Variants in FBXL7 observed in about 807,000 individuals in gnomAD.
The protein encoded by FBXL7 is F-box/LRR-repeat protein 7.
FBXL7 carries 12 observed loss-of-function variants against 38.3 expected under a neutral mutation model. That is an observed-to-expected ratio of 0.31 (90% CI 0.20 to 0.51). The LOEUF (loss-of-function observed/expected upper bound fraction) is 0.51. FBXL7 is among the 20% of genes least tolerant of loss of function. FBXL7 has a pLI of 0.98. For synonymous variants in FBXL7, 297 were observed against 300.9 expected, an observed-to-expected ratio of 0.99 and a Z score of 0.13; for missense variants, 567 against 676.4, an observed-to-expected ratio of 0.84 and a Z score of 1.79.
intron 2 of FBXL7, among the ~76,000 whole-genome samples, chr5:15,731,473 T>G (rs1385958850): frequency 6.6e-6 from 1 of 152,102 alleles, no homozygotes; most frequent in Non-Finnish European, 1.5e-5. Context: ...CATCTCCCAC[T>G]GGGGACCTCC....
intron 2 of FBXL7, among the ~76,000 whole-genome samples, chr5:15,877,590 T>C (rs1740262995): frequency 6.6e-6 from 1 of 152,130 alleles, no homozygotes. Flanking sequence ...TAATGTAAAA[T>C]GATTATGTGG....
chr5:15,510,008 C>A (rs935973694), intron 1 of FBXL7, among the ~76,000 whole-genome samples: 1 of 152,218 alleles, frequency 6.6e-6, no homozygotes, highest in African/African-American at 2.4e-5. Flanking sequence ...TCAGCATTTT[C>A]CCCGTTCCGT....
chr5:15,778,147 T>G (rs2126718019), intron 2 of FBXL7, among the ~76,000 whole-genome samples: 1 of 152,222 alleles, frequency 6.6e-6, no homozygotes, highest in African/African-American at 2.4e-5. Flanking sequence ...CGTGGGTATC[T>G]AAGATGCTCA....
At chr5:15,773,484 A>AT (rs936619616) in intron 2 of FBXL7, among the ~76,000 whole-genome samples, 42 of 148,528 alleles carry the variant, frequency 2.8e-4, no homozygotes, top group African/African-American at 8.1e-4. Flanking sequence ...TCTCTACTAA[A>AT]TTTTTTTTTT....
intron 2 of FBXL7, among the ~76,000 whole-genome samples, chr5:15,645,482 CCCAA>C (rs1177675303): frequency 6.6e-6 from 1 of 152,146 alleles, no homozygotes; most frequent in African/African-American, 2.4e-5. Flanking sequence ...CCTTTCCAAA[CCCAA>C]CCAACAAATG....
chr5:15,678,189 A>G (rs1374597236), intron 2 of FBXL7, among the ~76,000 whole-genome samples: 1 of 152,100 alleles, frequency 6.6e-6, no homozygotes, highest in Non-Finnish European at 1.5e-5. Context: ...TGTATGTGAA[A>G]CCTCCAAAGC....
intron 2 of FBXL7, among the ~76,000 whole-genome samples, chr5:15,858,449 T>G (rs1739337527): frequency 6.6e-6 from 1 of 152,152 alleles, no homozygotes; most frequent in Non-Finnish European, 1.5e-5. Context: ...AGCCAGTAGT[T>G]TTGAAGCTTA....
chr5:15,602,431 A>C (rs762046894), intron 1 of FBXL7: 2 of 152,074 alleles, frequency 1.3e-5, no homozygotes, highest in Non-Finnish European at 2.9e-5. Flanking sequence ...ATAAATTTCT[A>C]GTTTATTCAT....
At position 15,936,565 on chromosome 5, in the gene FBXL7, G is replaced by T. The variant is rs748119437; in HGVS notation, c.855G>T (p.Leu285=). 2 of 1,612,950 alleles carry T rather than the reference G, an allele frequency of 1.2e-6. No individual in the cohort carries two copies. The highest frequency in any genetic ancestry group is 2.2e-5 in the South Asian group (2 of 91,088). Residue 285 remains leucine (L), a synonymous_variant, in exon 4 of 4, where the codon CTG becomes CTT. Coordinates refer to ENST00000504595, the MANE Select transcript of FBXL7 (RefSeq NM_012304.5). This position sits in a 1 kb window ranked among gnomAD's most constrained non-coding sequence, Gnocchi z 6.0. ...TGGACATGACGGACTGCTTCGTGCTGGAGGACGAAGGCCTGCACACCATCG... is the reference window on the plus strand; with the variant it reads ...TGGACATGACGGACTGCTTCGTGCTTGAGGACGAAGGCCTGCACACCATCG... ...RYLDMTDCFV[L]EDEGLHTIAA...
intron 1 of FBXL7, among the ~76,000 whole-genome samples, chr5:15,564,804 C>T (rs1561029604): frequency 6.6e-6 from 1 of 151,938 alleles, no homozygotes; most frequent in Admixed American, 6.6e-5. Context: ...GCACAATATG[C>T]CTGAAATACA....
At chr5:15,926,339 T>A (rs898373315) in intron 2 of FBXL7, among the ~76,000 whole-genome samples, 7 of 148,176 alleles carry the variant, frequency 4.7e-5, no homozygotes, top group Admixed American at 1.4e-4. Context: ...ATGTATATTA[T>A]TAAATATATT....
intron 2 of FBXL7, among the ~76,000 whole-genome samples, chr5:15,751,536 G>T (rs2937074): frequency 6.6e-4 from 100 of 152,010 alleles, no homozygotes; most frequent in Middle Eastern, 3.4e-3. Flanking sequence ...ATATCTTCTC[G>T]CTGAGTTTTG....
At chr5:15,604,546 G>C (rs528157610) in intron 1 of FBXL7, among the ~76,000 whole-genome samples, 6 of 152,172 alleles carry the variant, frequency 3.9e-5, no homozygotes, top group African/African-American at 1.4e-4. Flanking sequence ...GTACAGACAG[G>C]GTTTCGCCAT....
At chr5:15,897,072 G>A (rs946497497) in intron 2 of FBXL7, among the ~76,000 whole-genome samples, 3 of 152,222 alleles carry the variant, frequency 2.0e-5, no homozygotes, top group Non-Finnish European at 4.4e-5. Flanking sequence ...AGCAGAGGTT[G>A]CAGTGAACTG....
chr5:15,642,346 A>G (rs920065046), intron 2 of FBXL7, among the ~76,000 whole-genome samples: 2 of 152,164 alleles, frequency 1.3e-5, no homozygotes, highest in African/African-American at 2.4e-5. Context: ...CTCCAAGGGT[A>G]CCCCACACAC....
rs985583827 is a variant in FBXL7, at chr5:15,514,914, G to A, written c.37+14201G>A. On this transcript the variant is annotated intron_variant, in intron 1 of 3. Coordinates refer to ENST00000504595, the MANE Select transcript of FBXL7 (RefSeq NM_012304.5). ...TGAAGGGTCATTTTGGGTCCAGAGC[G>A]CCCCATGGAGTTTGCAGAGTCCCAT... is the stretch of plus-strand genomic sequence containing the variant. Among the ~76,000 whole-genome samples, 5 of 152,254 alleles carry A rather than the reference G, an allele frequency of 3.3e-5. No homozygotes were observed. In the East Asian group the frequency reaches 5.8e-4, roughly 18 times the overall value.
intron 2 of FBXL7, among the ~76,000 whole-genome samples, chr5:15,700,952 T>C (rs1743501956): frequency 6.6e-6 from 1 of 152,118 alleles, no homozygotes; most frequent in Non-Finnish European, 1.5e-5. Context: ...ATATTTTGCC[T>C]CAAATTATTA....
intron 2 of FBXL7, among the ~76,000 whole-genome samples, chr5:15,685,476 C>T (rs561729089): frequency 1.3e-5 from 2 of 152,224 alleles, no homozygotes; most frequent in East Asian, 3.9e-4. Context: ...CATGGGGAGA[C>T]TATTTCAGGT....
intron 2 of FBXL7, among the ~76,000 whole-genome samples, chr5:15,757,960 C>A (rs1052890997): frequency 6.6e-6 from 1 of 152,050 alleles, no homozygotes; most frequent in Non-Finnish European, 1.5e-5. Flanking sequence ...CCTTCTCTTC[C>A]TCTGTTCTCC....
Sources: gnomAD v4.1 joint callset for allele counts (sites outside exome capture counted in the v4.1 genomes callset) on GRCh38, gnomAD v4.1.1 for gene constraint, Gnocchi (gnomAD v3.1) non-coding constraint, MANE v1.5 for transcripts, NCBI Gene and HGNC (gene_info 2026-07-23, HGNC 2026-07-21) for gene names.